The following PRIM2 variants were observed in gnomAD, a reference collection of about 807,000 sequenced individuals.
The protein encoded by PRIM2 is DNA primase subunit 2.
Under a neutral mutation model 67.3 loss-of-function variants are expected in PRIM2, and 39 were observed. The ratio of observed to expected loss-of-function variants is 0.58; its 90% confidence interval spans 0.45 to 0.76. The LOEUF (loss-of-function observed/expected upper bound fraction) is 0.76. Among genes scored for constraint, PRIM2 ranks in the 30% least tolerant of loss-of-function variants. PRIM2 has a pLI of 0.00. For synonymous variants in PRIM2, 143 were observed against 198.7 expected (o/e 0.72, Z 2.36); for missense variants, 398 against 598.7 (o/e 0.66, Z 3.50).
chr6:57,305,399 G>A, the PRIM2 span, among the ~76,000 whole-genome samples: 1 of 152,196 alleles, frequency 6.6e-6, no homozygotes, highest in Non-Finnish European at 1.5e-5. Context: ...CAGGGACTAT[G>A]GTAGAGGCAG....
At chr6:57,417,770 G>A (rs1324933357) in intron 7 of PRIM2, among the ~76,000 whole-genome samples, 1 of 152,206 alleles carries the variant, frequency 6.6e-6, no homozygotes, top group Non-Finnish European at 1.5e-5. Context: ...GAAACACGAA[G>A]TGAGCACATG....
At chr6:57,434,176 C>G (rs1044478398) in intron 7 of PRIM2, among the ~76,000 whole-genome samples, 1 of 151,992 alleles carries the variant, frequency 6.6e-6, no homozygotes, top group Non-Finnish European at 1.5e-5. Flanking sequence ...CTACCCGCCT[C>G]GGCCTCCTAA....
rs1299596566 is a variant in PRIM2, at chr6:57,499,532, A to T, written c.694-7855A>T. Among the ~76,000 whole-genome samples, 8 of 152,282 alleles carry T rather than the reference A, an allele frequency of 5.3e-5. No individual in the cohort carries two copies. The East Asian group carries it at 1.4e-3, about 26-fold the overall frequency. On this transcript the variant is annotated intron_variant, in intron 7 of 13. Transcript: ENST00000615550. Reference sequence around the variant, plus strand: ...GGGACAAAGAGAAGATTCTGAACAAACAGGACTTGCTAAGTTCCCCCCAGT... The same window carrying T: ...GGGACAAAGAGAAGATTCTGAACAATCAGGACTTGCTAAGTTCCCCCCAGT...
intron 8 of PRIM2, among the ~76,000 whole-genome samples, chr6:57,522,661 T>C (rs1774650416): frequency 6.6e-6 from 1 of 152,148 alleles, no homozygotes; most frequent in African/African-American, 2.4e-5. Context: ...GCTCAAAATA[T>C]TTTAATATGT....
At chr6:57,603,321 C>T (rs1392052198) in intron 11 of PRIM2, among the ~76,000 whole-genome samples, 2 of 152,204 alleles carry the variant, frequency 1.3e-5, no homozygotes, top group Non-Finnish European at 2.9e-5. Context: ...ACTGATGAAC[C>T]TATTGAAGAC....
At chr6:57,571,795 A>T (rs1213322101) in intron 10 of PRIM2, among the ~76,000 whole-genome samples, 1 of 152,254 alleles carries the variant, frequency 6.6e-6, no homozygotes, top group Non-Finnish European at 1.5e-5. Context: ...AGTCATTATT[A>T]ACTGGGTTCA....
chr6:57,571,672 AAAAAC>A, intron 10 of PRIM2, among the ~76,000 whole-genome samples: 1 of 149,510 alleles, frequency 6.7e-6, no homozygotes, highest in Non-Finnish European at 1.5e-5. Flanking sequence ...AAACAAAACA[AAAAAC>A]AAAAAAACAC....
intron 7 of PRIM2, among the ~76,000 whole-genome samples, chr6:57,425,190 ATAAT>A (rs1287076982): frequency 1.3e-5 from 2 of 152,082 alleles, no homozygotes; most frequent in African/African-American, 2.4e-5. Context: ...TTTTGAACAA[ATAAT>A]TAGGATTTAT....
In PRIM2 at chr6:57,628,823, C is replaced by CT. The variant is rs1245990617; in HGVS notation, c.1231-3303dup. Among the ~76,000 whole-genome samples the CT allele has an allele frequency of 1.0e-3, 154 of 152,114 alleles. 2 individuals carry two copies. The highest frequency in any genetic ancestry group is 9.3e-3 in the South Asian group (45 of 4,814). On this transcript the variant is annotated intron_variant, in intron 12 of 13. Transcript: ENST00000615550. ...TTGCCATAAAGGACATGATTTTGTTCTTTTTTTGTGGCTGCATAGTACTCC... is the reference window on the plus strand; with the variant it reads ...TTGCCATAAAGGACATGATTTTGTTCTTTTTTTTGTGGCTGCATAGTACTCC...
chr6:57,608,179 G>T (rs1256674319), intron 12 of PRIM2, among the ~76,000 whole-genome samples: 29 of 152,094 alleles, frequency 1.9e-4, no homozygotes, highest in African/African-American at 7.0e-4. Context: ...ACAGAAATGG[G>T]GAGAGAGAGA....
chr6:57,554,006 A>G (rs1207737456), intron 10 of PRIM2, among the ~76,000 whole-genome samples: 3 of 152,180 alleles, frequency 2.0e-5, no homozygotes, highest in African/African-American at 7.2e-5. Context: ...CAACACTTAA[A>G]CATTATTTTA....
At chr6:57,348,536 G>A (rs1400920522) in intron 5 of PRIM2, among the ~76,000 whole-genome samples, 1 of 151,960 alleles carries the variant, frequency 6.6e-6, no homozygotes, top group East Asian at 1.9e-4. Flanking sequence ...TCACAAGGAT[G>A]GCTTGTTGGT....
At chr6:57,640,803 G>A (rs1279773568) in intron 13 of PRIM2, among the ~76,000 whole-genome samples, 30 of 152,092 alleles carry the variant, frequency 2.0e-4, no homozygotes, top group East Asian at 7.7e-4. Flanking sequence ...GCCGTAATGC[G>A]CAAAGTAATT....
chr6:57,462,210 G>C (rs537390454), intron 7 of PRIM2, among the ~76,000 whole-genome samples: 7 of 152,264 alleles, frequency 4.6e-5, no homozygotes, highest in Non-Finnish European at 8.8e-5. Context: ...TGTGGTAAAA[G>C]ATTAAAATAA....
At chr6:57,315,396 A>C (rs1767461296), upstream of PRIM2, among the ~76,000 whole-genome samples, 1 of 152,162 alleles carries the variant, frequency 6.6e-6, no homozygotes, top group Non-Finnish European at 1.5e-5. Context: ...CCAAAAGATA[A>C]AGAACTTCTG....
the PRIM2 span, among the ~76,000 whole-genome samples, chr6:57,283,837 T>G: frequency 6.6e-6 from 1 of 152,284 alleles, no homozygotes; most frequent in African/African-American, 2.4e-5. Flanking sequence ...AGGTAATATA[T>G]TCTTTCTGAC....
At chr6:57,553,541 AT>A (rs1351720635) in intron 10 of PRIM2, among the ~76,000 whole-genome samples, 1 of 152,106 alleles carries the variant, frequency 6.6e-6, no homozygotes, top group Non-Finnish European at 1.5e-5. Context: ...GAAATTTCCA[AT>A]TTTTTTCTGT....
chr6:57,380,448 C>T (rs796444424), intron 6 of PRIM2, among the ~76,000 whole-genome samples: 6 of 152,130 alleles, frequency 3.9e-5, no homozygotes, highest in South Asian at 2.1e-4. Context: ...TGTAAGCCTA[C>T]GTTTTTTCCT....
chr6:57,386,029 A>T (rs1770135081), intron 7 of PRIM2, among the ~76,000 whole-genome samples: 1 of 151,934 alleles, frequency 6.6e-6, no homozygotes, highest in Non-Finnish European at 1.5e-5. Flanking sequence ...GTGTTTAGGA[A>T]TGGAATTGTA....
Sources: gnomAD v4.1 joint callset for allele counts (sites outside exome capture counted in the v4.1 genomes callset) on GRCh38, gnomAD v4.1.1 for gene constraint, MANE v1.5 for transcripts, NCBI Gene and HGNC (gene_info 2026-07-23, HGNC 2026-07-21) for gene names.